Variants in NDUFA10 observed in about 807,000 individuals in gnomAD.
The protein encoded by NDUFA10 is NADH dehydrogenase [ubiquinone] 1 alpha subcomplex subunit 10, mitochondrial.
Under a neutral mutation model 47.8 loss-of-function variants are expected in NDUFA10, and 40 were observed. The ratio of observed to expected loss-of-function variants is 0.84; its 90% CI spans 0.65 to 1.09. The LOEUF is 1.09. Ranked by LOEUF, NDUFA10 falls within the 50% of genes least tolerant of loss-of-function variation. The pLI is 0.00. For missense variants in NDUFA10, 413 were observed against 451.1 expected, an observed-to-expected ratio of 0.92 and a Z score of 0.76; for synonymous variants, 183 against 172.2, an observed-to-expected ratio of 1.06 and a Z score of -0.49.
chr2:239,972,001 G>A (rs1052917655), intron 9 of NDUFA10, among the ~76,000 whole-genome samples: 1 of 152,102 alleles, frequency 6.6e-6, no homozygotes, highest in Non-Finnish European at 1.5e-5. Context: ...CCCAGATAAA[G>A]GTGACTCCAA....
At chr2:239,942,031 CATA>C (rs1193562622) in intron 4 of NDUFA10, among the ~76,000 whole-genome samples, 7 of 152,232 alleles carry the variant, frequency 4.6e-5, no homozygotes, top group African/African-American at 1.7e-4. Context: ...ATGGATTCTG[CATA>C]TTGAAAGATC....
intron 3 of NDUFA10, 28 bp from the exon 4 acceptor site, chr2:240,018,667 G>T: frequency 6.2e-7 from 1 of 1,611,502 alleles, no homozygotes; most frequent in African/African-American, 1.3e-5. Context: ...AACAGAAATT[G>T]AAAATCAGAC....
In NDUFA10 at chr2:239,906,632, C is replaced by T. The variant is rs547494466; in HGVS notation, c.295-11318G>A. 4.6e-5 allele frequency among the ~76,000 whole-genome samples: 7 copies of T among 152,250 alleles called. No homozygotes were observed. The highest frequency in any genetic ancestry group is 4.1e-4 in the South Asian group (2 of 4,822). On this transcript the variant is annotated intron_variant, in intron 4 of 5. Coordinates refer to the NDUFA10 transcript ENST00000419408. This position sits in a 1 kb window ranked among gnomAD's most constrained non-coding sequence, Gnocchi z 4.3. ...TGGCAAGAGCCAACCAGCGTGCCCC[C>T]GGGAATGCTGGTCCAGACGCTTTGC...
intron 4 of NDUFA10, among the ~76,000 whole-genome samples, chr2:239,915,415 T>G (rs1316967911): frequency 1.6e-4 from 5 of 31,082 alleles, no homozygotes; most frequent in East Asian, 7.8e-4. Flanking sequence ...AACACACACA[T>G]ACACAGACAC....
chr2:239,947,377 C>G (rs1694472318), intron 4 of NDUFA10, among the ~76,000 whole-genome samples: 1 of 152,254 alleles, frequency 6.6e-6, no homozygotes, highest in Admixed American at 6.5e-5. Context: ...GGCTCAGTGA[C>G]TGTCCTGTGT....
chr2:239,965,501 C>G (rs1199527061), intron 9 of NDUFA10, among the ~76,000 whole-genome samples: 2 of 152,214 alleles, frequency 1.3e-5, no homozygotes, highest in African/African-American at 4.8e-5. Context: ...CCCGTTCCCT[C>G]GCAGGGCAGC....
intron 8 of NDUFA10, among the ~76,000 whole-genome samples, chr2:240,000,667 C>T (rs1437380828): frequency 1.3e-5 from 2 of 152,204 alleles, no homozygotes; most frequent in African/African-American, 2.4e-5. Context: ...AGAACAACTG[C>T]CAGTCCCGTC....
At chr2:239,990,325 A>C (rs1291792788) in intron 8 of NDUFA10, 143 bp from the exon 9 acceptor site, 1 of 712,392 alleles carries the variant, frequency 1.4e-6, no homozygotes, top group Non-Finnish European at 2.5e-6. Context: ...CAATCATCCC[A>C]GCAGCAAAGC....
At position 240,018,487 on chromosome 2, in the gene NDUFA10, G is replaced by C. The variant is rs776440227; in HGVS notation, c.547+66C>G. 3 of 1,613,884 alleles carry C rather than the reference G, an allele frequency of 1.9e-6. No homozygotes were observed. In the Admixed American group the frequency reaches 5.0e-5, roughly 27 times the overall value. ...TTCATAAACACAGTAAGTGCAAGGT[G>C]AGTCTATCACAGCCCTTGCAAAGTC... On this transcript the variant is annotated intron_variant, in intron 4 of 9. Transcript: ENST00000252711.
chr2:239,990,079 T>A lies in NDUFA10; in HGVS notation c.994A>T (p.Arg332Ter). 6.2e-7 allele frequency: 1 copy of A among 1,606,030 alleles called. No individual in the cohort carries two copies. The highest frequency in any genetic ancestry group is 8.5e-7 in the Non-Finnish European group (1 of 1,172,646). The change falls in exon 9 of 10, where the codon AGA becomes TGA. Residue 332 changes from arginine (R) to a stop codon, truncating the protein, a stop_gained. Transcript: ENST00000252711. LOFTEE classifies it high-confidence loss of function. ...CTCCATTTCCACAGTCTTACCTCTC[T>A]GAACTGATGTAAGACACGGTCAGTC... ...HQTDRVLHQF[R>*]ELPGRKYSPG...
At chr2:239,999,483 C>G (rs980512736) in intron 8 of NDUFA10, among the ~76,000 whole-genome samples, 2 of 152,186 alleles carry the variant, frequency 1.3e-5, no homozygotes, top group African/African-American at 2.4e-5. Flanking sequence ...GGTTCCCCAT[C>G]CCCCTCGGGC....
intron 4 of NDUFA10, among the ~76,000 whole-genome samples, chr2:239,918,870 C>T (rs1167661181): frequency 6.6e-6 from 1 of 152,234 alleles, no homozygotes; most frequent in African/African-American, 2.4e-5. Flanking sequence ...GCAGGGTCTC[C>T]TCCAGGTCTG....
chr2:239,894,766 C>T (rs1693360152), intron 5 of NDUFA10, among the ~76,000 whole-genome samples: 1 of 152,122 alleles, frequency 6.6e-6, no homozygotes, highest in Admixed American at 6.5e-5. Context: ...TGACCCTCGC[C>T]TCTTCTCTCA....
At chr2:239,946,936 G>A (rs539910409) in intron 4 of NDUFA10, among the ~76,000 whole-genome samples, 5 of 152,338 alleles carry the variant, frequency 3.3e-5, no homozygotes, top group African/African-American at 4.8e-5. Context: ...ATAAGGCCAC[G>A]GCCTCACAGG....
At chr2:239,990,748 A>G (rs960157212) in intron 8 of NDUFA10, among the ~76,000 whole-genome samples, 1 of 152,206 alleles carries the variant, frequency 6.6e-6, no homozygotes, top group Non-Finnish European at 1.5e-5. Flanking sequence ...GCACCAATAA[A>G]TATACAAATC....
At chr2:239,899,838 C>T (rs1693511823) in intron 4 of NDUFA10, among the ~76,000 whole-genome samples, 1 of 148,690 alleles carries the variant, frequency 6.7e-6, no homozygotes, top group Non-Finnish European at 1.5e-5. Context: ...TCCACAGTCA[C>T]CAGCCCAGAA....
At chr2:239,939,132 C>T (rs1037251579) in intron 4 of NDUFA10, among the ~76,000 whole-genome samples, 4 of 152,206 alleles carry the variant, frequency 2.6e-5, no homozygotes, top group African/African-American at 9.6e-5. Context: ...CTCGGACCCG[C>T]GGACAGTCAG....
chr2:239,978,270 G>C (rs550649505), intron 9 of NDUFA10, among the ~76,000 whole-genome samples: 93 of 152,240 alleles, frequency 6.1e-4, no homozygotes, highest in African/African-American at 2.2e-3. Context: ...AGCTATAGAA[G>C]ATGGAATCTC....
downstream of NDUFA10, among the ~76,000 whole-genome samples, chr2:239,956,103 C>A (rs1054151243): frequency 2.0e-5 from 3 of 152,148 alleles, no homozygotes; most frequent in Non-Finnish European, 4.4e-5. Flanking sequence ...ATTCCCGGTA[C>A]ACCCATCACT....
Sources: gnomAD v4.1 joint callset for allele counts (sites outside exome capture counted in the v4.1 genomes callset) on GRCh38, gnomAD v4.1.1 for gene constraint, Gnocchi (gnomAD v3.1) non-coding constraint, MANE v1.5 for transcripts, NCBI Gene and HGNC (gene_info 2026-07-23, HGNC 2026-07-21) for gene names.